The following LIMS1 variants were observed in gnomAD, a reference collection of about 807,000 sequenced individuals.
LIMS1 encodes the protein LIM and senescent cell antigen-like-containing domain protein 1.
A neutral mutation model predicts 44.1 loss-of-function variants in LIMS1; 18 were observed. The ratio of observed to expected loss-of-function variants is 0.41; its 90% confidence interval spans 0.28 to 0.61. LIMS1 has a LOEUF of 0.61. LIMS1 is among the 20% of genes least tolerant of loss of function. The pLI is 0.32. For missense variants in LIMS1, 201 were observed against 422.0 expected, an observed-to-expected ratio of 0.48 and a Z score of 4.59; for synonymous variants, 93 against 149.1, an observed-to-expected ratio of 0.62 and a Z score of 2.74.
At chr2:108,551,669 T>C (rs939352995) in intron 1 of LIMS1, among the ~76,000 whole-genome samples, 1 of 146,040 alleles carries the variant, frequency 6.8e-6, no homozygotes, top group African/African-American at 2.5e-5. Flanking sequence ...TATATACACA[T>C]ATATACATAT....
chr2:108,601,379 C>T (rs1687007223), intron 1 of LIMS1, among the ~76,000 whole-genome samples: 1 of 152,186 alleles, frequency 6.6e-6, no homozygotes, highest in East Asian at 1.9e-4. Context: ...AGTTTCGGTG[C>T]AGTCTGGGAC....
At position 108,565,193 on chromosome 2, in the gene LIMS1, C is replaced by A. The variant is rs1346959667; in HGVS notation, c.32+30599C>A. Among the ~76,000 whole-genome samples the A allele has an allele frequency of 2.0e-5, 3 of 152,078 alleles. No homozygotes were observed. The East Asian group carries it at 5.8e-4, about 29-fold the overall frequency. Reference sequence around the variant, plus strand: ...TCCTTAGTTGGATACCGTCTTCGTTCCACAGAGTTTTTTAAATGGAATGTA... The same window carrying A: ...TCCTTAGTTGGATACCGTCTTCGTTACACAGAGTTTTTTAAATGGAATGTA... On this transcript the variant is annotated intron_variant, in intron 1 of 9. Coordinates refer to ENST00000544547, the Ensembl canonical transcript of LIMS1.
intron 1 of LIMS1, among the ~76,000 whole-genome samples, chr2:108,605,691 A>G (rs1687235820): frequency 6.6e-6 from 1 of 152,308 alleles, no homozygotes; most frequent in Middle Eastern, 3.4e-3. Flanking sequence ...AGAGAATGCC[A>G]TCCAGTGTAG....
At chr2:108,610,226 TA>T (rs1687526522) in intron 1 of LIMS1, among the ~76,000 whole-genome samples, 1 of 151,604 alleles carries the variant, frequency 6.6e-6, no homozygotes, top group Non-Finnish European at 1.5e-5. Context: ...TTTTATTTTC[TA>T]AAAATAGAGA....
At chr2:108,619,286 G>C (rs1343940073) in intron 1 of LIMS1, among the ~76,000 whole-genome samples, 1 of 151,638 alleles carries the variant, frequency 6.6e-6, no homozygotes, top group Non-Finnish European at 1.5e-5. Flanking sequence ...CAATTGATTT[G>C]TGTTTTATTC....
intron 1 of LIMS1, among the ~76,000 whole-genome samples, chr2:108,612,647 C>G (rs1386674956): frequency 6.6e-6 from 1 of 152,152 alleles, no homozygotes. Flanking sequence ...AGAAAACCAG[C>G]TGAAGAGGAA....
chr2:108,598,454 C>T (rs1045129067), intron 1 of LIMS1, among the ~76,000 whole-genome samples: 4 of 152,148 alleles, frequency 2.6e-5, no homozygotes, highest in Non-Finnish European at 5.9e-5. Context: ...GGAAGGAAAG[C>T]TGAAGGTAGG....
chr2:108,546,912 C>G (rs926227140), intron 1 of LIMS1, among the ~76,000 whole-genome samples: 2 of 152,120 alleles, frequency 1.3e-5, no homozygotes, highest in Admixed American at 1.3e-4. Context: ...TAACGTTTTG[C>G]TTTTCAGTAA....
chr2:108,669,953 A>G (rs1393002941), intron 2 of LIMS1, among the ~76,000 whole-genome samples: 1 of 152,200 alleles, frequency 6.6e-6, no homozygotes, highest in Non-Finnish European at 1.5e-5. Flanking sequence ...TAATGATAAT[A>G]CAGAAGAAAA....
chr2:108,633,371 CT>C (rs1049077150), intron 1 of LIMS1, among the ~76,000 whole-genome samples: 1 of 152,196 alleles, frequency 6.6e-6, no homozygotes, highest in African/African-American at 2.4e-5. Flanking sequence ...AAATTATTGA[CT>C]TTTTATACAA....
intron 1 of LIMS1, among the ~76,000 whole-genome samples, chr2:108,582,243 G>A (rs372308340): frequency 7.2e-5 from 11 of 152,270 alleles, no homozygotes; most frequent in African/African-American, 2.6e-4. Flanking sequence ...GTTCCCTAAG[G>A]AGCAAGTGGG....
chr2:108,563,626 C>T (rs1323413108), intron 1 of LIMS1, among the ~76,000 whole-genome samples: 1 of 152,208 alleles, frequency 6.6e-6, no homozygotes, highest in Non-Finnish European at 1.5e-5. Flanking sequence ...TATGGATGAA[C>T]AAAGAAAGTG....
At chr2:108,598,588 A>G (rs1686841548) in intron 1 of LIMS1, among the ~76,000 whole-genome samples, 1 of 152,088 alleles carries the variant, frequency 6.6e-6, no homozygotes, top group South Asian at 2.1e-4. Context: ...TGGGTGGGGA[A>G]TCCTTTTGGG....
chr2:108,586,756 C>T (rs1686123723), intron 1 of LIMS1, among the ~76,000 whole-genome samples: 1 of 152,180 alleles, frequency 6.6e-6, no homozygotes, highest in Non-Finnish European at 1.5e-5. Context: ...TATTTTGGGG[C>T]TGTAGCTCAG....
At chr2:108,582,659 T>G (rs1429094498) in intron 1 of LIMS1, among the ~76,000 whole-genome samples, 1 of 152,100 alleles carries the variant, frequency 6.6e-6, no homozygotes, top group Non-Finnish European at 1.5e-5. Flanking sequence ...TCCCAGCTAC[T>G]TGGGAGGCTA....
rs370760331 is a variant in LIMS1, at chr2:108,585,290, G to A, written c.32+50696G>A. 3.3e-4 allele frequency among the ~76,000 whole-genome samples: 50 copies of A among 152,228 alleles called. 1 individual carries two copies. The South Asian group carries it at 9.9e-3, about 30-fold the overall frequency. On this transcript the variant is annotated intron_variant, in intron 1 of 9. Coordinates refer to ENST00000544547, the Ensembl canonical transcript of LIMS1. Reference sequence around the variant, plus strand: ...AGGTTCCTTAGACCGCTTGCTGGCTGTGTCTGTTGGATTTGATTGAAGGGG... The same window carrying A: ...AGGTTCCTTAGACCGCTTGCTGGCTATGTCTGTTGGATTTGATTGAAGGGG...
At chr2:108,596,231 A>G (rs1221677525) in intron 1 of LIMS1, among the ~76,000 whole-genome samples, 1 of 152,238 alleles carries the variant, frequency 6.6e-6, no homozygotes, top group East Asian at 1.9e-4. Context: ...TATTAATACG[A>G]GTTAATTTGT....
intron 1 of LIMS1, among the ~76,000 whole-genome samples, chr2:108,552,943 G>A (rs1488752516): frequency 6.6e-6 from 1 of 152,004 alleles, no homozygotes; most frequent in East Asian, 1.9e-4. Context: ...GATAGATTGG[G>A]GAAAATGAAG....
intron 1 of LIMS1, among the ~76,000 whole-genome samples, chr2:108,641,658 T>A (rs915282457): frequency 6.6e-6 from 1 of 152,234 alleles, no homozygotes; most frequent in African/African-American, 2.4e-5. Context: ...TTTTCTTTAT[T>A]TTAAACTAGC....
Sources: allele counts gnomAD v4.1 joint callset (sites outside exome capture counted in the v4.1 genomes callset), GRCh38; gene constraint gnomAD v4.1.1; transcripts MANE v1.5; gene names NCBI Gene and HGNC (gene_info 2026-07-23, HGNC 2026-07-21).